The following GNG12 variants were observed in gnomAD, a reference collection of about 807,000 sequenced individuals.
GNG12 encodes guanine nucleotide-binding protein G(I)/G(S)/G(O) subunit gamma-12.
For synonymous variants in GNG12, 28 were observed against 29.7 expected, an observed-to-expected ratio of 0.94 and a Z score of 0.19; for missense variants, 69 against 83.8, an observed-to-expected ratio of 0.82 and a Z score of 0.69.
chr1:67,772,950 C>T (rs1041562756), intron 2 of GNG12, among the ~76,000 whole-genome samples: 1 of 152,214 alleles, frequency 6.6e-6, no homozygotes, highest in Non-Finnish European at 1.5e-5. Context: ...GAGAATGAAG[C>T]TGAGAGAGCT....
intron 2 of GNG12, among the ~76,000 whole-genome samples, chr1:67,711,273 T>C (rs1193871124): frequency 2.0e-5 from 3 of 152,282 alleles, no homozygotes; most frequent in East Asian, 1.9e-4. Context: ...CTTTCTCAGT[T>C]CTATGGCTGG....
chr1:67,790,868 C>A (rs752488356), intron 1 of GNG12, among the ~76,000 whole-genome samples: 1 of 152,128 alleles, frequency 6.6e-6, no homozygotes, highest in Non-Finnish European at 1.5e-5. Flanking sequence ...CCCGCCTTGG[C>A]CTCTCAAAGT....
chr1:67,714,007 C>T (rs1646310851), intron 2 of GNG12, among the ~76,000 whole-genome samples: 1 of 152,226 alleles, frequency 6.6e-6, no homozygotes, highest in Admixed American at 6.5e-5. Flanking sequence ...AATAGTTCCT[C>T]TATTTTCATG....
chr1:67,749,883 G>C (rs1173086238), intron 2 of GNG12, among the ~76,000 whole-genome samples: 2 of 152,190 alleles, frequency 1.3e-5, no homozygotes, highest in South Asian at 2.1e-4. Context: ...ATAAGGTAAG[G>C]ACTCTGCCTC....
chr1:67,749,948 T>C (rs1290364041), intron 2 of GNG12, among the ~76,000 whole-genome samples: 4 of 152,028 alleles, frequency 2.6e-5, no homozygotes, highest in African/African-American at 9.7e-5. Context: ...CTCCCAGAAA[T>C]TTACACAAAA....
At chr1:67,810,312 T>C (rs911672090) in intron 1 of GNG12, among the ~76,000 whole-genome samples, 2 of 152,226 alleles carry the variant, frequency 1.3e-5, no homozygotes, top group Non-Finnish European at 2.9e-5. Flanking sequence ...AACTATTTTG[T>C]ATAATACTAC....
chr1:67,739,094 G>A (rs768790421), intron 2 of GNG12, among the ~76,000 whole-genome samples: 8 of 152,176 alleles, frequency 5.3e-5, no homozygotes, highest in Non-Finnish European at 7.3e-5. Context: ...CAAGAGAATC[G>A]CTTGAACCTA....
chr1:67,830,882 G>C (rs1436898873), intron 1 of GNG12, among the ~76,000 whole-genome samples: 1 of 152,144 alleles, frequency 6.6e-6, no homozygotes, highest in Non-Finnish European at 1.5e-5. Flanking sequence ...CCTGCTGCTT[G>C]AACAAGCTAG....
intron 2 of GNG12, among the ~76,000 whole-genome samples, chr1:67,769,829 C>G (rs1217506405): frequency 1.3e-5 from 2 of 152,148 alleles, no homozygotes; most frequent in African/African-American, 2.4e-5. Flanking sequence ...CACTCACACT[C>G]ACACTCACTC....
intron 2 of GNG12, among the ~76,000 whole-genome samples, chr1:67,766,110 A>G (rs1351180929): frequency 9.6e-4 from 37 of 38,474 alleles, no homozygotes; most frequent in African/African-American, 3.2e-3. Flanking sequence ...ACACACGCAC[A>G]CACACACACA....
intron 1 of GNG12, among the ~76,000 whole-genome samples, chr1:67,787,525 G>A (rs988275541): frequency 1.5e-4 from 23 of 152,302 alleles, no homozygotes; most frequent in African/African-American, 5.1e-4. Context: ...CAGGACCAAC[G>A]GAAATGACCC....
At chr1:67,831,846 A>C (rs1017773596) in intron 1 of GNG12, among the ~76,000 whole-genome samples, 2 of 152,190 alleles carry the variant, frequency 1.3e-5, no homozygotes, top group Admixed American at 6.5e-5. Flanking sequence ...GGCAATAGTA[A>C]AATTCAATCC....
chr1:67,734,628 CTTCT>C (rs577996593), intron 2 of GNG12, among the ~76,000 whole-genome samples: 3 of 152,056 alleles, frequency 2.0e-5, no homozygotes, highest in Non-Finnish European at 2.9e-5. Context: ...ATTATGTTGC[CTTCT>C]TTATGATTTG....
intron 1 of GNG12, among the ~76,000 whole-genome samples, chr1:67,784,711 T>C (rs1305218152): frequency 6.6e-6 from 1 of 152,312 alleles, no homozygotes; most frequent in South Asian, 2.1e-4. Context: ...ACAGGTAATA[T>C]ATGCATTTGC....
intron 2 of GNG12, among the ~76,000 whole-genome samples, chr1:67,760,406 T>A (rs1195961876): frequency 1.3e-5 from 2 of 152,144 alleles, no homozygotes; most frequent in African/African-American, 4.8e-5. Flanking sequence ...TTTTATTTAT[T>A]TTTTGCTTTC....
At chr1:67,796,744 GTGT>G (rs1646833546) in intron 1 of GNG12, among the ~76,000 whole-genome samples, 2 of 152,166 alleles carry the variant, frequency 1.3e-5, no homozygotes, top group South Asian at 2.1e-4. Flanking sequence ...AAATGGGGTA[GTGT>G]TGTTTATTTT....
chr1:67,762,897 C>T (rs1270143070), intron 2 of GNG12, among the ~76,000 whole-genome samples: 1 of 152,078 alleles, frequency 6.6e-6, no homozygotes, highest in African/African-American at 2.4e-5. Flanking sequence ...CTAAATTATA[C>T]TCTGCTGCAC....
At chr1:67,717,513 CAA>C (rs1205936941) in intron 2 of GNG12, among the ~76,000 whole-genome samples, 38 of 104,080 alleles carry the variant, frequency 3.7e-4, no homozygotes, top group Non-Finnish European at 3.6e-4. Flanking sequence ...GAGACTCTGT[CAA>C]AAAAAAAAAA....
rs771010384 is a variant in GNG12 at position 67,704,851 on chromosome 1, T to C, written c.*600A>G. On this transcript the variant is annotated 3_prime_UTR_variant, in exon 4 of 4. Transcript: ENST00000370982. Reference sequence around the variant, plus strand: ...CTCTTTACTTTTTGTACAATAACGATATGAAAGGAATTTTTTATTCTACCT... The same window carrying C: ...CTCTTTACTTTTTGTACAATAACGACATGAAAGGAATTTTTTATTCTACCT... 2 of 152,334 alleles carry C rather than the reference T, an allele frequency of 1.3e-5. No individual in the cohort carries two copies. The highest frequency in any genetic ancestry group is 2.9e-5 in the Non-Finnish European group (2 of 68,032). 9.4% of individuals were successfully genotyped at this position (152,334 alleles called of 1,614,324 possible).
Sources: allele counts gnomAD v4.1 joint callset (sites outside exome capture counted in the v4.1 genomes callset), GRCh38; gene constraint gnomAD v4.1.1; transcripts MANE v1.5; gene names NCBI Gene and HGNC (gene_info 2026-07-23, HGNC 2026-07-21).